The following DCC variants were observed in gnomAD, a reference collection of about 807,000 sequenced individuals.
DCC encodes the protein netrin receptor DCC.
DCC carries 58 observed loss-of-function variants against 172.5 expected under a neutral mutation model. The ratio of observed to expected loss-of-function variants is 0.34; its 90% CI spans 0.27 to 0.42. The LOEUF is 0.42. Among genes scored for constraint, DCC ranks in the 10% least tolerant of loss-of-function variants. DCC has a pLI of 1.00. For missense variants in DCC, 1,740 were observed against 1,791.0 expected (o/e 0.97, Z 0.51); for synonymous variants, 709 against 644.5 (o/e 1.10, Z -1.52).
At chr18:52,430,482 T>C (rs1987584975) in intron 1 of DCC, among the ~76,000 whole-genome samples, 1 of 152,148 alleles carries the variant, frequency 6.6e-6, no homozygotes, top group Non-Finnish European at 1.5e-5. Flanking sequence ...GGCAGCCAAG[T>C]AGCAGATGAT....
At chr18:53,397,247 CT>C (rs1371636382) in intron 17 of DCC, 60 bp from the exon 18 acceptor site, 1 of 1,501,346 alleles carries the variant, frequency 6.7e-7, no homozygotes, top group Non-Finnish European at 9.3e-7. Flanking sequence ...TTTTATATGT[CT>C]TGATTTACCA....
chr18:52,781,441 T>A (rs1370790972), intron 2 of DCC, among the ~76,000 whole-genome samples: 3 of 152,004 alleles, frequency 2.0e-5, no homozygotes, highest in Non-Finnish European at 2.9e-5. Flanking sequence ...TCATAGACAG[T>A]TGAATTTTAT....
intron 7 of DCC, among the ~76,000 whole-genome samples, chr18:53,102,914 G>A (rs995865491): frequency 2.6e-5 from 4 of 152,042 alleles, no homozygotes; most frequent in Admixed American, 2.0e-4. Context: ...GTATTTCACC[G>A]ATTGCCTGGA....
chr18:53,303,457 G>A (rs944628000), intron 12 of DCC, among the ~76,000 whole-genome samples: 4 of 152,096 alleles, frequency 2.6e-5, no homozygotes, highest in Admixed American at 2.6e-4. Flanking sequence ...CTTCTTTGAT[G>A]TCTGGTAATC....
At chr18:52,929,178 T>G (rs1377396437) in intron 5 of DCC, among the ~76,000 whole-genome samples, 2 of 151,980 alleles carry the variant, frequency 1.3e-5, no homozygotes, top group Admixed American at 6.6e-5. Flanking sequence ...CAACCTTAGG[T>G]GCTACTTTTA....
rs148969731 is a variant in DCC, at chr18:52,361,080, A to G, written c.91+20202A>G. 6.4e-3 allele frequency among the ~76,000 whole-genome samples: 977 copies of G among 152,346 alleles called. 6 individuals carry two copies. The highest frequency in any genetic ancestry group is 0.01 in the Non-Finnish European group (702 of 68,036). ...GCAAAGTGATGCTTTCACGGTGATG[A>G]AGCTGACAGTCATGTTGAGACAAAA... On this transcript the variant is annotated intron_variant, in intron 1 of 28. Transcript: ENST00000442544.
chr18:53,494,808 G>T (rs544248661), intron 26 of DCC, among the ~76,000 whole-genome samples: 2 of 152,254 alleles, frequency 1.3e-5, no homozygotes, highest in South Asian at 2.1e-4. Context: ...TGCACTTAAG[G>T]TTAATATTGT....
intron 12 of DCC, among the ~76,000 whole-genome samples, chr18:53,248,057 T>G (rs527928745): frequency 6.6e-6 from 1 of 152,026 alleles, no homozygotes; most frequent in Non-Finnish European, 1.5e-5. Flanking sequence ...TGTTCAGGAA[T>G]AGATGCTCAA....
intron 1 of DCC, among the ~76,000 whole-genome samples, chr18:52,705,594 G>A (rs919538278): frequency 1.3e-5 from 2 of 152,198 alleles, no homozygotes; most frequent in Non-Finnish European, 1.5e-5. Context: ...CCTGGAGGAA[G>A]CACAGGGGTT....
At chr18:53,478,746 C>T (rs533153826) in intron 25 of DCC, among the ~76,000 whole-genome samples, 1 of 152,262 alleles carries the variant, frequency 6.6e-6, no homozygotes, top group East Asian at 1.9e-4. Flanking sequence ...CTGCATTAGT[C>T]ACTTGGCTGT....
intron 5 of DCC, among the ~76,000 whole-genome samples, chr18:52,957,507 A>G (rs1421654884): frequency 1.3e-5 from 2 of 152,204 alleles, no homozygotes; most frequent in African/African-American, 4.8e-5. Flanking sequence ...CATCTGCTAA[A>G]TACCATCCAC....
At chr18:53,030,956 T>C (rs2042018345) in intron 5 of DCC, among the ~76,000 whole-genome samples, 1 of 152,062 alleles carries the variant, frequency 6.6e-6, no homozygotes, top group Admixed American at 6.6e-5. Flanking sequence ...AGACTATGAA[T>C]CTCTCTTGAA....
intron 7 of DCC, among the ~76,000 whole-genome samples, chr18:53,081,273 A>AGCTT (rs1000068677): frequency 6.6e-6 from 1 of 152,068 alleles, no homozygotes; most frequent in Non-Finnish European, 1.5e-5. Context: ...TTGCAGAGTA[A>AGCTT]GCTTGCTTTA....
At chr18:53,102,061 G>A (rs964523025) in intron 7 of DCC, among the ~76,000 whole-genome samples, 20 of 152,114 alleles carry the variant, frequency 1.3e-4, no homozygotes, top group Admixed American at 9.8e-4. Flanking sequence ...GTCTTGACTC[G>A]GATGCATTTT....
Position 52,874,055 on chromosome 18 carries a change from C to T in DCC, c.413-31989C>T, listed in dbSNP as rs188692302. On this transcript the variant is annotated intron_variant, in intron 2 of 28. Transcript: ENST00000442544. ...GTGAGTACAGAACTTGTATTTTCAT[C>T]CTTTGTTAGATAAAAATCCACATTT... 3.6e-3 allele frequency among the ~76,000 whole-genome samples: 550 copies of T among 152,176 alleles called. 2 individuals are homozygous for T. The highest frequency in any genetic ancestry group is 8.5e-3 in the Admixed American group (129 of 15,250).
chr18:53,087,588 C>T (rs889504615), intron 7 of DCC, among the ~76,000 whole-genome samples: 7 of 152,254 alleles, frequency 4.6e-5, no homozygotes, highest in Admixed American at 6.5e-5. Flanking sequence ...TTTTGCTGTG[C>T]AGAAGCTCTT....
chr18:53,073,132 A>G (rs987906476), intron 7 of DCC, among the ~76,000 whole-genome samples: 5 of 152,174 alleles, frequency 3.3e-5, no homozygotes, highest in African/African-American at 7.2e-5. Context: ...TAGGCCTACT[A>G]TCTGCTATTG....
intron 1 of DCC, among the ~76,000 whole-genome samples, chr18:52,384,645 A>C (rs1233297936): frequency 6.6e-6 from 1 of 152,126 alleles, no homozygotes; most frequent in Non-Finnish European, 1.5e-5. Flanking sequence ...AATACTCATC[A>C]GCTCTTGTTT....
chr18:53,344,556 C>T (rs1424697673), intron 15 of DCC, among the ~76,000 whole-genome samples: 1 of 150,414 alleles, frequency 6.6e-6, no homozygotes, highest in Non-Finnish European at 1.5e-5. Context: ...AATCTCCTGC[C>T]TCAGCTTCCC....
Sources: gnomAD v4.1 joint callset for allele counts (sites outside exome capture counted in the v4.1 genomes callset) on GRCh38, gnomAD v4.1.1 for gene constraint, MANE v1.5 for transcripts, NCBI Gene and HGNC (gene_info 2026-07-23, HGNC 2026-07-21) for gene names.